DLG1: variants seen among roughly 807,000 people sequenced by gnomAD.
DLG1 encodes disks large homolog 1.
Under a neutral mutation model 123.4 loss-of-function variants are expected in DLG1, and 42 were observed. The ratio of observed to expected loss-of-function variants is 0.34; its 90% CI spans 0.27 to 0.44. The LOEUF is 0.44. DLG1 is among the 20% of genes least tolerant of loss of function. DLG1 has a pLI of 1.00. For missense variants in DLG1, 942 were observed against 1,082.6 expected (o/e 0.87, Z 1.82); for synonymous variants, 317 against 356.2 (o/e 0.89, Z 1.24).
intron 13 of DLG1, among the ~76,000 whole-genome samples, chr3:197,108,231 T>C (rs1767727227): frequency 6.6e-6 from 1 of 152,214 alleles, no homozygotes; most frequent in Admixed American, 6.5e-5. Flanking sequence ...TTTACATCTA[T>C]ATTCATATGG....
rs1046209438 is a variant in DLG1, at chr3:197,066,173, T to C, written c.2099-364A>G. On this transcript the variant is annotated intron_variant, in intron 20 of 24. Transcript: ENST00000667157. ...AAAGAAGGGCAGAACAGAAACTGGA[T>C]GTAGGAAGTGATATAATCCCAGTAG... 3.7e-4 allele frequency among the ~76,000 whole-genome samples: 56 copies of C among 152,218 alleles called. 1 individual carries two copies. Among genetic ancestry groups the C allele is most frequent in the Admixed American group, 2.1e-3 (32 of 15,280 alleles).
intron 5 of DLG1, chr3:197,161,569 T>TA: frequency 4.0e-6 from 4 of 993,774 alleles, no homozygotes; most frequent in Non-Finnish European, 1.4e-6. Flanking sequence ...CAAACAGTTT[T>TA]AAAAAAGAAC....
At chr3:197,095,119 A>C (rs1273641341) in intron 14 of DLG1, among the ~76,000 whole-genome samples, 4 of 152,034 alleles carry the variant, frequency 2.6e-5, no homozygotes, top group Non-Finnish European at 5.9e-5. Context: ...TCTTCTTACT[A>C]ATTTTTTTTA....
chr3:197,280,088 C>T (rs1768487552), intron 4 of DLG1, among the ~76,000 whole-genome samples: 1 of 151,998 alleles, frequency 6.6e-6, no homozygotes, highest in Admixed American at 6.6e-5. Context: ...AGAATGTATT[C>T]CTTCTAACTA....
intron 5 of DLG1, among the ~76,000 whole-genome samples, chr3:197,182,203 C>T (rs1712623631): frequency 6.6e-6 from 1 of 152,022 alleles, no homozygotes; most frequent in African/African-American, 2.4e-5. Flanking sequence ...TATTAATCTA[C>T]AATGAATAAC....
chr3:197,287,986 C>T (rs887774713), intron 3 of DLG1, among the ~76,000 whole-genome samples: 1 of 152,020 alleles, frequency 6.6e-6, no homozygotes, highest in Non-Finnish European at 1.5e-5. Context: ...AGAATTGAAA[C>T]AAAAATGCAT....
intron 19 of DLG1, chr3:197,068,533 G>C: frequency 1.3e-6 from 2 of 1,579,186 alleles, no homozygotes; most frequent in Non-Finnish European, 1.7e-6. Flanking sequence ...CTGTAATCAA[G>C]ATTACTTTCA....
intron 2 of DLG1, 69 bp downstream of exon 2, chr3:197,297,117 G>T: frequency 6.5e-7 from 1 of 1,548,752 alleles, no homozygotes; most frequent in South Asian, 1.1e-5. Context: ...ATTCTAAAAC[G>T]GCAATCAAAA....
intron 4 of DLG1, among the ~76,000 whole-genome samples, chr3:197,266,186 T>C (rs1761606651): frequency 6.6e-6 from 1 of 152,018 alleles, no homozygotes; most frequent in Non-Finnish European, 1.5e-5. Context: ...TCACAACGTC[T>C]GCCAAATTCA....
chr3:197,066,961 C>A (rs1740037217), intron 19 of DLG1, among the ~76,000 whole-genome samples: 1 of 151,940 alleles, frequency 6.6e-6, no homozygotes, highest in African/African-American at 2.4e-5. Context: ...AAACAAAATA[C>A]AAATGGGCTA....
At chr3:197,205,192 G>A (rs1376547577) in intron 4 of DLG1, among the ~76,000 whole-genome samples, 1 of 152,100 alleles carries the variant, frequency 6.6e-6, no homozygotes, top group Non-Finnish European at 1.5e-5. Flanking sequence ...TGGGAGGAAG[G>A]GGGAAGCAAA....
At chr3:197,120,058 G>A (rs1466228846) in intron 11 of DLG1, among the ~76,000 whole-genome samples, 2 of 152,154 alleles carry the variant, frequency 1.3e-5, no homozygotes, top group South Asian at 2.1e-4. Flanking sequence ...TCAGGAGTTC[G>A]CGACCAGCCT....
chr3:197,057,716 G>A (rs1732761638), intron 23 of DLG1, among the ~76,000 whole-genome samples: 1 of 152,090 alleles, frequency 6.6e-6, no homozygotes, highest in African/African-American at 2.4e-5. Flanking sequence ...ATGTGTCCAA[G>A]CCCTTTGTCC....
At chr3:197,084,503 G>A (rs1448482257) in intron 16 of DLG1, among the ~76,000 whole-genome samples, 1 of 151,650 alleles carries the variant, frequency 6.6e-6, no homozygotes, top group African/African-American at 2.4e-5. Context: ...GTAGAGACGG[G>A]GTTTCACCAT....
At chr3:197,099,398 A>ACT (rs1762292942) in intron 14 of DLG1, among the ~76,000 whole-genome samples, 1 of 152,110 alleles carries the variant, frequency 6.6e-6, no homozygotes, top group Non-Finnish European at 1.5e-5. Context: ...TTTTCAGTTA[A>ACT]GTCATTTACA....
At chr3:197,190,826 C>T (rs1178963823) in intron 5 of DLG1, among the ~76,000 whole-genome samples, 1 of 152,214 alleles carries the variant, frequency 6.6e-6, no homozygotes, top group Admixed American at 6.5e-5. Flanking sequence ...CTGGCTAACA[C>T]GGTGAAACCC....
chr3:197,271,903 T>A lies in DLG1; in HGVS notation c.318+10776A>T, dbSNP rs1006946301. ...AATCTTGTCTGTGAGAAAGACTAGG[T>A]GAAGGCAAAAAACTGTACCCAGAGG... On this transcript the variant is annotated intron_variant, in intron 4 of 24. Transcript: ENST00000667157. Among the ~76,000 whole-genome samples, 18 of 152,308 alleles carry A rather than the reference T, an allele frequency of 1.2e-4. No individual in the cohort carries two copies. The East Asian group carries it at 3.3e-3, about 28-fold the overall frequency.
intron 3 of DLG1, among the ~76,000 whole-genome samples, chr3:197,288,739 A>ACATACATACATACATAC (rs1773220194): frequency 2.0e-5 from 1 of 49,870 alleles, no homozygotes; most frequent in African/African-American, 1.2e-4. Context: ...AAAAAAAAAA[A>ACATACATACATACATAC]AAAAATACAT....
At position 197,251,819 on chromosome 3, in the gene DLG1, G is replaced by A. The variant is rs1367257929; in HGVS notation, c.318+30860C>T. ...TATTAAGAGCTTAAACAACTTAATA[G>A]CAAAAAAACAAATAATCATATTTTA... On this transcript the variant is annotated intron_variant, in intron 4 of 24. Transcript: ENST00000667157. Among the ~76,000 whole-genome samples, 9 of 152,178 alleles carry A rather than the reference G, an allele frequency of 5.9e-5. No individual in the cohort carries two copies. The East Asian group carries it at 1.7e-3, about 29-fold the overall frequency.
Sources: allele counts gnomAD v4.1 joint callset (sites outside exome capture counted in the v4.1 genomes callset), GRCh38; gene constraint gnomAD v4.1.1; transcripts MANE v1.5; gene names NCBI Gene and HGNC (gene_info 2026-07-23, HGNC 2026-07-21).